Variants in GNAS observed in about 807,000 individuals in gnomAD.
The protein encoded by GNAS is GNAS complex locus, also known as protein ALEX.
GNAS carries 8 observed loss-of-function variants against 54.5 expected under a neutral mutation model. The ratio of observed to expected loss-of-function variants is 0.15; its 90% CI spans 0.09 to 0.26. GNAS has a LOEUF of 0.26. GNAS is among the 10% of genes least tolerant of loss of function. The pLI, the probability that GNAS is intolerant of heterozygous loss-of-function variation, is 1.00. For synonymous variants in GNAS, 204 were observed against 191.4 expected (o/e 1.07, Z -0.54); for missense variants, 170 against 529.8 (o/e 0.32, Z 6.67).
At chr20:58,842,125 T>C (rs1300848123) in intron 1 of GNAS, 3 of 399,248 alleles carry the variant, frequency 7.5e-6, no homozygotes, top group Non-Finnish European at 1.3e-5. Context: ...ATCTGTAACC[T>C]GGAGGGGAAT....
intron 1 of GNAS, among the ~76,000 whole-genome samples, chr20:58,846,829 GC>G (rs2085957746): frequency 6.6e-6 from 1 of 152,206 alleles, no homozygotes; most frequent in South Asian, 2.1e-4. Context: ...ATGCCCAGAA[GC>G]CCCCAGGGTG....
At chr20:58,880,357 C>T (rs770235728) in intron 1 of GNAS, among the ~76,000 whole-genome samples, 2 of 152,176 alleles carry the variant, frequency 1.3e-5, no homozygotes, top group African/African-American at 2.4e-5. Flanking sequence ...ACCTTCAAAG[C>T]GCAGCCTTGA....
intron 1 of GNAS, among the ~76,000 whole-genome samples, chr20:58,892,950 T>C (rs2089631433): frequency 7.1e-6 from 1 of 141,552 alleles, no homozygotes; most frequent in African/African-American, 2.6e-5. Flanking sequence ...TCCTGCTGGC[T>C]GGCCACATTG....
At chr20:58,839,875 CCTT>C (rs1326761790), upstream of GNAS, 15 of 597,626 alleles carry the variant, frequency 2.5e-5, no homozygotes, top group Admixed American at 1.2e-4. Context: ...TTTTCCCATC[CCTT>C]CTTCTTGCTC....
At chr20:58,868,183 G>T (rs947561241) in intron 1 of GNAS, among the ~76,000 whole-genome samples, 41 of 152,034 alleles carry the variant, frequency 2.7e-4, no homozygotes, top group African/African-American at 8.7e-4. Flanking sequence ...ACCACACATA[G>T]CTAATTATGT....
intron 1 of GNAS, among the ~76,000 whole-genome samples, chr20:58,858,663 G>C (rs985749548): frequency 5.9e-5 from 9 of 152,012 alleles, no homozygotes; most frequent in African/African-American, 2.2e-4. Context: ...TATAATAATG[G>C]CTATTCTGCT....
At chr20:58,854,737 C>T (rs2086374499) in intron 1 of GNAS, 7 of 1,538,826 alleles carry the variant, frequency 4.5e-6, no homozygotes, top group East Asian at 4.9e-5. Flanking sequence ...GCCCCAGCTG[C>T]GCCAGACGCA....
intron 1 of GNAS, among the ~76,000 whole-genome samples, chr20:58,851,821 A>C (rs1182179080): frequency 6.6e-6 from 1 of 152,156 alleles, no homozygotes; most frequent in East Asian, 1.9e-4. Context: ...GAGGGGCTAG[A>C]AGGGTGCTGG....
At chr20:58,865,129 A>G (rs933445022) in intron 1 of GNAS, among the ~76,000 whole-genome samples, 6 of 152,012 alleles carry the variant, frequency 3.9e-5, no homozygotes, top group African/African-American at 1.4e-4. Context: ...AAAAATATAT[A>G]TATTGGGGCT....
intron 1 of GNAS, among the ~76,000 whole-genome samples, chr20:58,879,281 A>C (rs1273463466): frequency 2.0e-5 from 3 of 152,244 alleles, no homozygotes; most frequent in African/African-American, 7.2e-5. Context: ...AAATGGGAAC[A>C]ATATAACCTT....
At chr20:58,840,161 G>C, upstream of GNAS, 2 of 1,611,714 alleles carry the variant, frequency 1.2e-6, no homozygotes, top group Non-Finnish European at 1.7e-6. This position sits in a 1 kb window ranked among gnomAD's most constrained non-coding sequence, Gnocchi z 6.0. Flanking sequence ...TAATTACAAC[G>C]ACCTGTGCCC....
intron 1 of GNAS, among the ~76,000 whole-genome samples, chr20:58,877,388 C>T (rs892304549): frequency 2.6e-5 from 4 of 152,184 alleles, no homozygotes; most frequent in Non-Finnish European, 4.4e-5. Context: ...AAAGGAGCCA[C>T]CTGCTACATG....
chr20:58,900,048 TAAG>T, intron 3 of GNAS: 2 of 641,276 alleles, frequency 3.1e-6, no homozygotes, highest in Non-Finnish European at 2.9e-6. Flanking sequence ...GAACTTCTAA[TAAG>T]AATACTATTC....
At chr20:58,850,408 C>G (rs1259035435) in intron 1 of GNAS, 3 of 397,344 alleles carry the variant, frequency 7.6e-6, no homozygotes, top group Non-Finnish European at 1.3e-5. Flanking sequence ...GAACAGAGAC[C>G]CTGAACCCGT....
Position 58,911,147 on chromosome 20 carries a change from G to T in GNAS, c.*318G>T. 2.0e-6 allele frequency: 1 copy of T among 512,328 alleles called. No individual in the cohort carries two copies. Among genetic ancestry groups the T allele is most frequent in the Non-Finnish European group, 3.6e-6 (1 of 276,864 alleles). 31.7% of individuals were successfully genotyped at this position (512,328 alleles called of 1,614,324 possible). A position where few individuals can be genotyped will look rare whatever the true frequency, so the allele number is the denominator to read the frequency against. Reference sequence around the variant, plus strand: ...ACAAATGAAATAAATATTGTGTTGTGCAGCATTAAAAAAAATCAAAATAAA... The same window carrying T: ...ACAAATGAAATAAATATTGTGTTGTTCAGCATTAAAAAAAATCAAAATAAA... On this transcript the variant is annotated 3_prime_UTR_variant, in exon 13 of 13. Transcript: ENST00000371085.
intron 1 of GNAS, among the ~76,000 whole-genome samples, chr20:58,864,928 GACACACACACACACACAC>G (rs144642876): frequency 7.2e-6 from 1 of 138,842 alleles, no homozygotes; most frequent in Admixed American, 7.2e-5. Context: ...CTACCTACCA[GACACACACACACACACAC>G]ACACACACAC....
chr20:58,854,211 G>T (rs771759443), intron 1 of GNAS: 2 of 1,613,120 alleles, frequency 1.2e-6, no homozygotes, highest in East Asian at 2.2e-5. Flanking sequence ...CAGCGCCCCC[G>T]CTGGGGTCGA....
At chr20:58,861,798 C>T (rs575867038) in intron 1 of GNAS, among the ~76,000 whole-genome samples, 1 of 152,114 alleles carries the variant, frequency 6.6e-6, no homozygotes. Context: ...CTCCGCCTCC[C>T]GGGTTCAAGC....
chr20:58,847,796 A>G (rs1032165513), intron 1 of GNAS, among the ~76,000 whole-genome samples: 4 of 152,230 alleles, frequency 2.6e-5, no homozygotes, highest in Non-Finnish European at 4.4e-5. Flanking sequence ...TGTTGGCTAC[A>G]GGGATAAACC....
Sources: allele counts gnomAD v4.1 joint callset (sites outside exome capture counted in the v4.1 genomes callset), GRCh38; gene constraint gnomAD v4.1.1; non-coding constraint Gnocchi (gnomAD v3.1); transcripts MANE v1.5; gene names NCBI Gene and HGNC (gene_info 2026-07-23, HGNC 2026-07-21).